PARP11: variants seen among roughly 807,000 people sequenced by gnomAD.
PARP11 encodes the protein poly(ADP-ribose) polymerase family member 11, also known as protein mono-ADP-ribosyltransferase PARP11.
In PARP11, 31 loss-of-function variants were observed where a neutral mutation model predicts 42.9. The observed-to-expected ratio is 0.72, with a 90% CI of 0.54 to 0.98. The LOEUF (loss-of-function observed/expected upper bound fraction) is 0.98. Ranked by LOEUF, PARP11 falls within the 50% of genes least tolerant of loss-of-function variation. The pLI is 0.00. For synonymous variants in PARP11, 137 were observed against 127.3 expected (o/e 1.08, Z -0.51); for missense variants, 365 against 413.1 (o/e 0.88, Z 1.01).
At chr12:3,836,603 T>C (rs913902063) in intron 1 of PARP11, among the ~76,000 whole-genome samples, 1 of 152,198 alleles carries the variant, frequency 6.6e-6, no homozygotes, top group Non-Finnish European at 1.5e-5. Context: ...GATTTACAAG[T>C]AACTACATAA....
At chr12:3,854,350 T>C (rs1235198380) in intron 1 of PARP11, among the ~76,000 whole-genome samples, 1 of 152,084 alleles carries the variant, frequency 6.6e-6, no homozygotes, top group East Asian at 1.9e-4. Context: ...CTCCAGGAGC[T>C]GGTTTTTGAA....
At chr12:3,871,200 T>C (rs905560567) in intron 1 of PARP11, among the ~76,000 whole-genome samples, 4 of 152,216 alleles carry the variant, frequency 2.6e-5, no homozygotes, top group African/African-American at 7.2e-5. Context: ...ATACTGATTA[T>C]AGGAAATTAT....
intron 7 of PARP11, among the ~76,000 whole-genome samples, chr12:3,812,770 T>A (rs1412098580): frequency 6.6e-6 from 1 of 152,152 alleles, no homozygotes; most frequent in African/African-American, 2.4e-5. Flanking sequence ...AAAACTGGTT[T>A]AATGATTAAA....
At chr12:3,816,848 G>T (rs561760158) in intron 6 of PARP11, among the ~76,000 whole-genome samples, 1 of 152,246 alleles carries the variant, frequency 6.6e-6, no homozygotes, top group South Asian at 2.1e-4. Flanking sequence ...GTTGTAATGA[G>T]CTGAGATTGT....
At chr12:3,815,662 G>A (rs1458209057) in intron 6 of PARP11, among the ~76,000 whole-genome samples, 1 of 152,102 alleles carries the variant, frequency 6.6e-6, no homozygotes, top group Non-Finnish European at 1.5e-5. Flanking sequence ...AATGTATTTT[G>A]GTAACAGGGC....
intron 1 of PARP11, chr12:3,841,127 T>A: frequency 6.2e-7 from 1 of 1,611,036 alleles, no homozygotes; most frequent in Non-Finnish European, 8.5e-7. Flanking sequence ...CAGCCCTTGA[T>A]GCCTTTGCCT....
Position 3,873,281 on chromosome 12 carries a change from G to T in PARP11, c.-52C>A. On this transcript the variant is annotated 5_prime_UTR_variant, in exon 1 of 8. Transcript: ENST00000228820. Reference sequence around the variant, plus strand: ...GCCTGTGGGAAGGGGCTAGCCGCGGGGCCTGGGTGTTGGATTTTTTTTTTT... The same window carrying T: ...GCCTGTGGGAAGGGGCTAGCCGCGGTGCCTGGGTGTTGGATTTTTTTTTTT... 2 of 1,542,806 alleles carry T rather than the reference G, an allele frequency of 1.3e-6. No individual in the cohort carries two copies. The highest frequency in any genetic ancestry group is 1.8e-6 in the Non-Finnish European group (2 of 1,140,380).
chr12:3,860,352 A>G (rs1345609755), intron 1 of PARP11, among the ~76,000 whole-genome samples: 1 of 152,176 alleles, frequency 6.6e-6, no homozygotes, highest in African/African-American at 2.4e-5. Context: ...CCTAAAAGCA[A>G]TTCAGAGATC....
At chr12:3,832,685 C>T (rs1389818542) in intron 1 of PARP11, among the ~76,000 whole-genome samples, 2 of 152,090 alleles carry the variant, frequency 1.3e-5, no homozygotes, top group East Asian at 1.9e-4. Flanking sequence ...TTTAAAATAT[C>T]GCAACCATAG....
At chr12:3,855,582 C>T (rs1467802916) in intron 1 of PARP11, among the ~76,000 whole-genome samples, 1 of 152,100 alleles carries the variant, frequency 6.6e-6, no homozygotes, top group East Asian at 1.9e-4. Context: ...TGTGAAGGAC[C>T]TCTTCAAGGA....
At chr12:3,851,674 G>A (rs559576988) in intron 1 of PARP11, among the ~76,000 whole-genome samples, 4 of 152,308 alleles carry the variant, frequency 2.6e-5, no homozygotes, top group Admixed American at 2.6e-4. Flanking sequence ...CTCCACCTCT[G>A]GGGGCAGGGC....
At chr12:3,831,143 T>C (rs1286033578) in intron 1 of PARP11, among the ~76,000 whole-genome samples, 4 of 152,150 alleles carry the variant, frequency 2.6e-5, no homozygotes, top group Non-Finnish European at 4.4e-5. Flanking sequence ...ACTTTCAAAA[T>C]AAAGCTAAAG....
intron 3 of PARP11, among the ~76,000 whole-genome samples, chr12:3,827,623 T>C (rs967259711): frequency 2.0e-5 from 3 of 152,056 alleles, no homozygotes; most frequent in Non-Finnish European, 2.9e-5. Context: ...AAAAATGGCT[T>C]GTCACGAGCA....
intron 1 of PARP11, among the ~76,000 whole-genome samples, chr12:3,846,175 C>A (rs1947989807): frequency 1.3e-5 from 2 of 151,248 alleles, no homozygotes; most frequent in African/African-American, 2.4e-5. Flanking sequence ...TGTTTTGTAG[C>A]CTTAAGAAGT....
intron 1 of PARP11, among the ~76,000 whole-genome samples, chr12:3,839,162 G>C (rs1023520654): frequency 9.9e-5 from 14 of 140,928 alleles, no homozygotes; most frequent in South Asian, 6.9e-4. Flanking sequence ...GGCCGCCGCC[G>C]CCGCCTGCCG....
intron 3 of PARP11, among the ~76,000 whole-genome samples, chr12:3,828,130 G>A (rs1947564280): frequency 6.6e-6 from 1 of 152,204 alleles, no homozygotes; most frequent in Non-Finnish European, 1.5e-5. Flanking sequence ...AGAAGGCAAT[G>A]TCCATTAAAG....
At chr12:3,838,611 T>C (rs923617714) in intron 1 of PARP11, among the ~76,000 whole-genome samples, 1 of 151,926 alleles carries the variant, frequency 6.6e-6, no homozygotes, top group Admixed American at 6.6e-5. Flanking sequence ...TACCAGAGCA[T>C]AAATAAATAA....
chr12:3,847,038 C>T (rs1948016146), intron 1 of PARP11, among the ~76,000 whole-genome samples: 1 of 152,010 alleles, frequency 6.6e-6, no homozygotes, highest in African/African-American at 2.4e-5. Flanking sequence ...GACTGCACCA[C>T]TGCACTCCAG....
Position 3,812,311 on chromosome 12 carries a change from T to G in PARP11, c.829A>C (p.Met277Leu). The G allele has an allele frequency of 1.9e-6, 3 of 1,614,164 alleles. No individual in the cohort carries two copies. The highest frequency in any genetic ancestry group is 2.5e-6 in the Non-Finnish European group (3 of 1,180,024). ...CCAATTAGCACTCGAGCAAGAAACA[T>G]AGATTTATATGTTCTAAACAGATGC... ...QRHLFRTYKS[M>L]FLARVLIGDY... is the part of the protein sequence containing the mutation. The change falls in exon 8 of 8, where the codon ATG (methionine) becomes CTG (leucine). Residue 277 changes from methionine to leucine, a missense_variant. By Grantham distance (15) the Met-to-Leu change is conservative. Transcript: ENST00000228820.
Sources: gnomAD v4.1 joint callset for allele counts (sites outside exome capture counted in the v4.1 genomes callset) on GRCh38, gnomAD v4.1.1 for gene constraint, MANE v1.5 for transcripts, NCBI Gene and HGNC (gene_info 2026-07-23, HGNC 2026-07-21) for gene names.